The following NLGN1 variants were observed in gnomAD, a reference collection of about 807,000 sequenced individuals.
NLGN1 encodes neuroligin 1, also known as neuroligin-1.
NLGN1 carries 12 observed loss-of-function variants against 65.5 expected under a neutral mutation model. That is an observed-to-expected ratio of 0.18 (90% CI 0.12 to 0.30). The LOEUF (loss-of-function observed/expected upper bound fraction) is 0.30. Among genes scored for constraint, NLGN1 ranks in the 10% least tolerant of loss-of-function variants. The pLI is 1.00. For missense variants in NLGN1, 750 were observed against 1,007.1 expected, an observed-to-expected ratio of 0.74 and a Z score of 3.46; for synonymous variants, 350 against 359.5, an observed-to-expected ratio of 0.97 and a Z score of 0.30.
At chr3:173,862,313 C>T (rs1221339767) in intron 4 of NLGN1, among the ~76,000 whole-genome samples, 21 of 150,712 alleles carry the variant, frequency 1.4e-4, no homozygotes, top group Non-Finnish European at 2.4e-4. Flanking sequence ...GAGACCATCC[C>T]GGCTAAAACG....
chr3:173,601,119 G>A (rs1405868021), intron 2 of NLGN1, among the ~76,000 whole-genome samples: 2 of 152,000 alleles, frequency 1.3e-5, no homozygotes, highest in African/African-American at 2.4e-5. Context: ...CATTGACTTC[G>A]AAGTCAGACG....
chr3:173,600,399 A>C (rs1176973225), intron 2 of NLGN1, among the ~76,000 whole-genome samples: 1 of 152,060 alleles, frequency 6.6e-6, no homozygotes, highest in Admixed American at 6.6e-5. Flanking sequence ...ATCCAGACCA[A>C]CTGAGATTCA....
At chr3:173,658,545 C>A (rs763078065) in intron 3 of NLGN1, among the ~76,000 whole-genome samples, 3 of 152,016 alleles carry the variant, frequency 2.0e-5, no homozygotes, top group African/African-American at 4.8e-5. Context: ...ATAGAACTAT[C>A]CTTCTCCTTC....
intron 4 of NLGN1, among the ~76,000 whole-genome samples, chr3:173,864,894 G>A (rs2150828863): frequency 6.6e-6 from 1 of 152,296 alleles, no homozygotes; most frequent in East Asian, 1.9e-4. Context: ...AACCTAGAAT[G>A]AGAACATCTA....
chr3:173,962,139 A>C (rs954950488), intron 4 of NLGN1, among the ~76,000 whole-genome samples: 1 of 152,162 alleles, frequency 6.6e-6, no homozygotes, highest in African/African-American at 2.4e-5. Context: ...AGTATACAAC[A>C]AAGTGAAATT....
intron 3 of NLGN1, among the ~76,000 whole-genome samples, chr3:173,660,514 A>C (rs1197431516): frequency 6.6e-6 from 1 of 151,914 alleles, no homozygotes; most frequent in South Asian, 2.1e-4. Context: ...AAGTTATTGA[A>C]ACTATTAAAT....
chr3:174,126,262 T>C (rs1002403117), intron 4 of NLGN1, among the ~76,000 whole-genome samples: 1 of 152,138 alleles, frequency 6.6e-6, no homozygotes, highest in Non-Finnish European at 1.5e-5. Flanking sequence ...TCTTATTGCT[T>C]TATGTGTGGT....
chr3:173,974,918 C>CT (rs1216002795), intron 4 of NLGN1, among the ~76,000 whole-genome samples: 1 of 152,002 alleles, frequency 6.6e-6, no homozygotes, highest in Non-Finnish European at 1.5e-5. Flanking sequence ...TCAAGTCTTA[C>CT]TTTGATTCAA....
intron 4 of NLGN1, among the ~76,000 whole-genome samples, chr3:174,216,785 T>C (rs1359813423): frequency 6.6e-6 from 1 of 152,112 alleles, no homozygotes; most frequent in African/African-American, 2.4e-5. Flanking sequence ...GTGAAATTGA[T>C]GACTGCCCCA....
intron 4 of NLGN1, among the ~76,000 whole-genome samples, chr3:173,976,195 A>G (rs1471039789): frequency 6.6e-6 from 1 of 152,068 alleles, no homozygotes; most frequent in Non-Finnish European, 1.5e-5. Flanking sequence ...CATTTAAACT[A>G]CACCACAAAA....
At chr3:173,590,092 T>C (rs1577416321) in intron 2 of NLGN1, among the ~76,000 whole-genome samples, 1 of 152,158 alleles carries the variant, frequency 6.6e-6, no homozygotes, top group Non-Finnish European at 1.5e-5. Context: ...GCATAGAACG[T>C]TGTGAATATT....
chr3:173,597,055 C>T (rs764781159), intron 2 of NLGN1, among the ~76,000 whole-genome samples: 2 of 152,142 alleles, frequency 1.3e-5, no homozygotes, highest in African/African-American at 2.4e-5. Context: ...TGACTATTAA[C>T]TAACCCCGGC....
At chr3:173,655,856 C>A (rs1577772225) in intron 3 of NLGN1, among the ~76,000 whole-genome samples, 1 of 151,948 alleles carries the variant, frequency 6.6e-6, no homozygotes, top group African/African-American at 2.4e-5. Context: ...TGTCCAGGTT[C>A]TTGGCAACTT....
intron 4 of NLGN1, among the ~76,000 whole-genome samples, chr3:174,187,135 T>C (rs535709293): frequency 6.6e-6 from 1 of 152,164 alleles, no homozygotes; most frequent in East Asian, 1.9e-4. Context: ...TTATTATTTT[T>C]TATTTATTCA....
At chr3:174,193,003 G>A (rs931529661) in intron 4 of NLGN1, among the ~76,000 whole-genome samples, 2 of 151,932 alleles carry the variant, frequency 1.3e-5, no homozygotes, top group African/African-American at 4.8e-5. Flanking sequence ...TCTTCTGAAT[G>A]TACCACTATT....
chr3:173,561,693 T>A (rs926102520), intron 2 of NLGN1, among the ~76,000 whole-genome samples: 5 of 152,214 alleles, frequency 3.3e-5, no homozygotes, highest in African/African-American at 1.2e-4. Flanking sequence ...CAAATAAATA[T>A]TTATTACCTT....
intron 2 of NLGN1, among the ~76,000 whole-genome samples, chr3:173,524,948 T>C (rs982071302): frequency 2.0e-4 from 31 of 152,176 alleles, no homozygotes; most frequent in African/African-American, 6.8e-4. Context: ...ATCTTTTTGG[T>C]GTACTGTTGG....
At chr3:174,268,062 G>A (rs1325713880) in intron 4 of NLGN1, among the ~76,000 whole-genome samples, 1 of 152,014 alleles carries the variant, frequency 6.6e-6, no homozygotes, top group Non-Finnish European at 1.5e-5. Context: ...GAAGTATATA[G>A]TTCCTGAGGA....
intron 4 of NLGN1, among the ~76,000 whole-genome samples, chr3:173,862,505 CAAAAAAA>C (rs10601211): frequency 4.1e-4 from 17 of 41,704 alleles, no homozygotes; most frequent in South Asian, 1.4e-3. Context: ...GACTCCGTCT[CAAAAAAA>C]AAAAAAAAAA....
Sources: allele counts gnomAD v4.1 joint callset (sites outside exome capture counted in the v4.1 genomes callset), GRCh38; gene constraint gnomAD v4.1.1; transcripts MANE v1.5; gene names NCBI Gene and HGNC (gene_info 2026-07-23, HGNC 2026-07-21).